The following WNK2 variants were observed in gnomAD, a reference collection of about 807,000 sequenced individuals.
The protein encoded by WNK2 is serine/threonine-protein kinase WNK2.
WNK2 carries 67 observed loss-of-function variants against 192.1 expected under a neutral mutation model. The observed-to-expected ratio is 0.35, with a 90% CI of 0.29 to 0.43. The LOEUF (loss-of-function observed/expected upper bound fraction) is 0.43, where lower values mean the gene tolerates loss of function less well. Among genes scored for constraint, WNK2 ranks in the 20% least tolerant of loss-of-function variants. WNK2 has a pLI of 1.00. For missense variants in WNK2, 2,698 were observed against 3,089.7 expected (o/e 0.87, Z 3.01); for synonymous variants, 1,439 against 1,393.9 (o/e 1.03, Z -0.72).
chr9:93,317,878 G>A (rs776299010), intron 29 of WNK2: 33 of 1,564,620 alleles, frequency 2.1e-5, no homozygotes, highest in Middle Eastern at 3.4e-4. Context: ...GCCAGATGGC[G>A]CCCTCGGAAC....
At chr9:93,220,475 GT>G (rs1836649884) in intron 2 of WNK2, among the ~76,000 whole-genome samples, 1 of 152,194 alleles carries the variant, frequency 6.6e-6, no homozygotes, top group African/African-American at 2.4e-5. Context: ...GACCTTTCCT[GT>G]TTTGTGAAGG....
intron 2 of WNK2, among the ~76,000 whole-genome samples, chr9:93,221,254 G>A (rs746576564): frequency 1.8e-4 from 28 of 152,356 alleles, no homozygotes; most frequent in African/African-American, 5.8e-4. Flanking sequence ...CTGGGTGCTG[G>A]CATGGGAAGC....
chr9:93,301,975 C>G (rs1851689151), intron 26 of WNK2, among the ~76,000 whole-genome samples: 1 of 152,206 alleles, frequency 6.6e-6, no homozygotes, highest in Non-Finnish European at 1.5e-5. Context: ...GCCTCTCAAG[C>G]CCTGTCTGGA....
rs1413901312 is a variant in WNK2 at position 93,289,365 on chromosome 9, G to A, written c.4611G>A (p.Gly1537=). The A allele has an allele frequency of 6.2e-7, 1 of 1,611,466 alleles. No individual in the cohort carries two copies. Residue 1537 remains glycine, a synonymous_variant, in exon 20 of 30, where the codon GGG becomes GGA. Transcript: ENST00000427277. ...CGGCCCTGGAGTCGGATGGGGAAGGGCCGCCCCCCAGGGTGGGCTTTGTGG... is the reference window on the plus strand; with the variant it reads ...CGGCCCTGGAGTCGGATGGGGAAGGACCGCCCCCCAGGGTGGGCTTTGTGG... The part of the protein sequence containing the change: ...PPSALESDGE[G]PPPRVGFVDS...
At chr9:93,204,338 C>T (rs114340228) in intron 2 of WNK2, among the ~76,000 whole-genome samples, 3,399 of 152,250 alleles carry the variant, frequency 0.022, 101 homozygotes, top group African/African-American at 0.073. Context: ...CTCTGTCAGC[C>T]GCATGGAATG....
rs771769936 is a variant in WNK2, at chr9:93,289,338, C to T, written c.4584C>T (p.Pro1528=). 1.2e-6 allele frequency: 2 copies of T among 1,606,488 alleles called. No individual in the cohort carries two copies. The highest frequency in any genetic ancestry group is 1.7e-5 in the Admixed American group (1 of 59,280). ...PLGPTVPPQP[P]SALESDGEGP... is the part of the protein sequence containing the mutation. ...GGCCCACCGTCCCCCCACAGCCACCCTCGGCCCTGGAGTCGGATGGGGAAG... is the reference window on the plus strand; with the variant it reads ...GGCCCACCGTCCCCCCACAGCCACCTTCGGCCCTGGAGTCGGATGGGGAAG... The change falls in exon 20 of 30, where the codon CCC becomes CCT. Residue 1528 remains proline, a synonymous_variant. Transcript: ENST00000427277.
At chr9:93,280,197 T>C (rs556034264) in intron 19 of WNK2, among the ~76,000 whole-genome samples, 1 of 152,214 alleles carries the variant, frequency 6.6e-6, no homozygotes, top group Middle Eastern at 3.4e-3. Flanking sequence ...CAAAAGACAG[T>C]AGTAAGAAAA....
chr9:93,292,297 T>C lies in WNK2; in HGVS notation c.4937-11T>C. The C allele has an allele frequency of 6.2e-7, 1 of 1,613,782 alleles. No homozygotes were observed. The highest frequency in any genetic ancestry group is 8.5e-7 in the Non-Finnish European group (1 of 1,179,790). On this transcript the variant is annotated splice_polypyrimidine_tract_variant and intron_variant, in intron 21 of 29. Transcript: ENST00000427277. ...CCTTCAGCCCCAGTAACGTTTCTGATGTTCCCATAGCAGAGTCGTCTCCCA... is the reference window on the plus strand; with the variant it reads ...CCTTCAGCCCCAGTAACGTTTCTGACGTTCCCATAGCAGAGTCGTCTCCCA...
intron 2 of WNK2, among the ~76,000 whole-genome samples, chr9:93,200,970 A>AT (rs1368785865): frequency 2.0e-5 from 3 of 152,162 alleles, no homozygotes; most frequent in Admixed American, 6.5e-5. Flanking sequence ...GACCGATGAT[A>AT]TTTTTTAAAG....
chr9:93,249,907 A>ATTTT (rs58293954), intron 8 of WNK2, among the ~76,000 whole-genome samples: 24,857 of 85,320 alleles, frequency 0.29, 6,144 homozygotes, highest in South Asian at 0.47. Flanking sequence ...GATGCTACCA[A>ATTTT]TTTTTTTTTT....
At position 93,239,675 on chromosome 9, in the gene WNK2, G is replaced by T. The variant is rs1840419176; in HGVS notation, c.1323-82G>T. ...GGCTCCTGCAGGTGTGCCTGTCCTT[G>T]TCCTGGTGCGCATGGACACAGGAGC... On this transcript the variant is annotated intron_variant, in intron 6 of 29. Transcript: ENST00000427277. This position sits in a 1 kb window ranked among gnomAD's most constrained non-coding sequence, Gnocchi z 4.2. 2 of 1,291,896 alleles carry T rather than the reference G, an allele frequency of 1.5e-6. No homozygotes were observed. Among genetic ancestry groups the T allele is most frequent in the Non-Finnish European group, 2.1e-6 (2 of 931,022 alleles). The allele number at this position is 1,291,896 out of a possible 1,614,324, so 80.0% of individuals were successfully genotyped here. A position where few individuals can be genotyped will look rare whatever the true frequency, so the allele number is the denominator to read the frequency against.
chr9:93,287,473 C>T (rs1848618826), intron 19 of WNK2, among the ~76,000 whole-genome samples: 3 of 152,178 alleles, frequency 2.0e-5, no homozygotes, highest in Admixed American at 1.3e-4. Context: ...AACAAGGACA[C>T]ATCTCACAAA....
At chr9:93,288,448 A>G (rs1008083793) in intron 19 of WNK2, among the ~76,000 whole-genome samples, 8 of 152,254 alleles carry the variant, frequency 5.3e-5, no homozygotes, top group African/African-American at 1.7e-4. Context: ...GGGTGTGGAC[A>G]GACAGATGAC....
At chr9:93,204,686 C>T (rs1587855171) in intron 2 of WNK2, among the ~76,000 whole-genome samples, 1 of 152,206 alleles carries the variant, frequency 6.6e-6, no homozygotes, top group Non-Finnish European at 1.5e-5. Context: ...CTCTGTGACA[C>T]GGGCTGACAT....
In WNK2 at chr9:93,229,919, C is replaced by G; in HGVS notation, c.854+51C>G. ...GGCGGGTCCTGGCATGGGTGCAGGG[C>G]TACCATAGCTGAGGGTGAGGTCTTG... is the stretch of plus-strand genomic sequence containing the variant. On this transcript the variant is annotated intron_variant, in intron 3 of 29. Transcript: ENST00000427277. This position sits in a 1 kb window ranked among gnomAD's most constrained non-coding sequence, Gnocchi z 4.9. 2.5e-6 allele frequency: 4 copies of G among 1,586,418 alleles called. No homozygotes were observed. In the South Asian group the frequency reaches 4.5e-5, roughly 18 times the overall value.
At chr9:93,315,176 C>T (rs1223545999) in intron 28 of WNK2, among the ~76,000 whole-genome samples, 3 of 152,206 alleles carry the variant, frequency 2.0e-5, no homozygotes, top group Non-Finnish European at 4.4e-5. Flanking sequence ...CTCCATCCCA[C>T]TTGTTCAAAG....
intron 8 of WNK2, among the ~76,000 whole-genome samples, chr9:93,250,073 C>T (rs564209022): frequency 8.1e-4 from 123 of 151,990 alleles, no homozygotes; most frequent in African/African-American, 2.8e-3. Context: ...GCCACCACGC[C>T]CAGCTAATTT....
At position 93,308,013 on chromosome 9, in the gene WNK2, C is replaced by G. The variant is rs1266531438; in HGVS notation, c.6260-315C>G. On this transcript the variant is annotated intron_variant, in intron 27 of 29. Transcript: ENST00000427277. ...CAGGAGTTTCCTGAGCTCTCTCACA[C>G]GTGAGTCTGGGGATGGGCAGCGGTG... 3.0e-5 allele frequency: 12 copies of G among 396,652 alleles called. No individual in the cohort carries two copies. The East Asian group carries it at 5.5e-4, about 18-fold the overall frequency. The allele number at this position is 396,652 out of a possible 1,614,324, so 24.6% of individuals were successfully genotyped here.
intron 9 of WNK2, among the ~76,000 whole-genome samples, chr9:93,255,112 A>C (rs1843098450): frequency 6.6e-6 from 1 of 152,330 alleles, no homozygotes; most frequent in African/African-American, 2.4e-5. Context: ...CCTGAGTCTC[A>C]GTCTTCCTAC....
Sources: gnomAD v4.1 joint callset for allele counts (sites outside exome capture counted in the v4.1 genomes callset) on GRCh38, gnomAD v4.1.1 for gene constraint, Gnocchi (gnomAD v3.1) non-coding constraint, MANE v1.5 for transcripts, NCBI Gene and HGNC (gene_info 2026-07-23, HGNC 2026-07-21) for gene names.